The following EGFLAM variants were observed in gnomAD, a reference collection of about 807,000 sequenced individuals.
EGFLAM encodes pikachurin.
A neutral mutation model predicts 113.1 loss-of-function variants in EGFLAM; 79 were observed. The ratio of observed to expected loss-of-function variants is 0.70; its 90% confidence interval spans 0.58 to 0.84. The LOEUF is 0.84. Ranked by LOEUF, EGFLAM falls within the 40% of genes least tolerant of loss-of-function variation. EGFLAM has a pLI of 0.00. For missense variants in EGFLAM, 1,265 were observed against 1,291.6 expected, an observed-to-expected ratio of 0.98 and a Z score of 0.32; for synonymous variants, 504 against 487.6, an observed-to-expected ratio of 1.03 and a Z score of -0.44.
intron 18 of EGFLAM, among the ~76,000 whole-genome samples, chr5:38,449,674 ATG>A (rs141510682): frequency 4.2e-4 from 63 of 149,878 alleles, no homozygotes; most frequent in Admixed American, 2.1e-3. Context: ...GTGCGCATGC[ATG>A]TGTGTGTGTG....
intron 1 of EGFLAM, among the ~76,000 whole-genome samples, chr5:38,303,311 A>G (rs1393698154): frequency 2.0e-5 from 3 of 152,244 alleles, no homozygotes; most frequent in Non-Finnish European, 2.9e-5. Context: ...CACTGGAAAT[A>G]TAAGATGAAG....
chr5:38,430,619 C>T (rs576659439), intron 14 of EGFLAM, among the ~76,000 whole-genome samples: 1 of 152,276 alleles, frequency 6.6e-6, no homozygotes, highest in African/African-American at 2.4e-5. Flanking sequence ...CATCAGGGTT[C>T]TCCAGGGAAA....
chr5:38,399,717 C>G (rs1579870372), intron 6 of EGFLAM: 1 of 152,194 alleles, frequency 6.6e-6, no homozygotes, highest in Non-Finnish European at 1.5e-5. Flanking sequence ...TCGGGAGACT[C>G]TATTCTCATG....
At chr5:38,462,665 T>C in intron 20 of EGFLAM, 1 of 437,776 alleles carries the variant, frequency 2.3e-6, no homozygotes, top group Non-Finnish European at 4.2e-6. Context: ...CCTTGTGGTC[T>C]TCGCCGTGGA....
At chr5:38,430,897 T>A (rs1742166482) in intron 14 of EGFLAM, among the ~76,000 whole-genome samples, 1 of 152,170 alleles carries the variant, frequency 6.6e-6, no homozygotes, top group East Asian at 1.9e-4. Flanking sequence ...CCAGGAGCAC[T>A]GATGTTCAAG....
In EGFLAM at chr5:38,350,434, G is replaced by A. The variant is rs75156788; in HGVS notation, c.292-67G>A. 6.1e-3 allele frequency: 9,132 copies of A among 1,490,534 alleles called. 265 individuals carry two copies. In the African/African-American group the frequency reaches 0.072, roughly 12 times the overall value. The allele number at this position is 1,490,534 out of a possible 1,614,324, so 92.3% of individuals were successfully genotyped here. Reference sequence around the variant, plus strand: ...GGGGCCTCGAGATATAAACCTCATGGAAATTGTACAATTTGCCCAAACAGA... The same window carrying A: ...GGGGCCTCGAGATATAAACCTCATGAAAATTGTACAATTTGCCCAAACAGA... On this transcript the variant is annotated intron_variant, in intron 3 of 21. Coordinates refer to ENST00000322350, the MANE Select transcript of EGFLAM (RefSeq NM_152403.4).
intron 3 of EGFLAM, among the ~76,000 whole-genome samples, chr5:38,346,278 A>C (rs1242894747): frequency 6.6e-6 from 1 of 152,218 alleles, no homozygotes; most frequent in Non-Finnish European, 1.5e-5. Context: ...ATAATAATCT[A>C]GTTTCCAGTG....
At chr5:38,447,524 G>A (rs1354628082) in intron 17 of EGFLAM, among the ~76,000 whole-genome samples, 3 of 152,182 alleles carry the variant, frequency 2.0e-5, no homozygotes, top group African/African-American at 7.2e-5. Flanking sequence ...AGGAGGCCGA[G>A]GCGGGTGGAT....
chr5:38,450,520 A>G (rs1013772693), intron 18 of EGFLAM, among the ~76,000 whole-genome samples: 6 of 152,240 alleles, frequency 3.9e-5, no homozygotes, highest in Non-Finnish European at 5.9e-5. Context: ...CAATGACATT[A>G]TGCTAGTAGC....
intron 14 of EGFLAM, among the ~76,000 whole-genome samples, chr5:38,428,074 C>T (rs1015433831): frequency 8.5e-5 from 13 of 152,214 alleles, no homozygotes; most frequent in Non-Finnish European, 1.9e-4. Context: ...CGCATGCAGA[C>T]ATGCTTCTTG....
At chr5:38,427,962 A>G (rs1742070811) in intron 14 of EGFLAM, among the ~76,000 whole-genome samples, 2 of 152,146 alleles carry the variant, frequency 1.3e-5, no homozygotes, top group Non-Finnish European at 2.9e-5. Context: ...TGTTCCTTGG[A>G]GCCTGTAGTT....
intron 1 of EGFLAM, among the ~76,000 whole-genome samples, chr5:38,285,443 C>A (rs569255011): frequency 6.6e-6 from 1 of 152,306 alleles, no homozygotes; most frequent in East Asian, 1.9e-4. Context: ...GTGCACTCTA[C>A]ACACACTCCA....
intron 1 of EGFLAM, among the ~76,000 whole-genome samples, chr5:38,328,822 T>C (rs1561280183): frequency 6.6e-6 from 1 of 151,458 alleles, no homozygotes; most frequent in Non-Finnish European, 1.5e-5. Flanking sequence ...AATAAAGATA[T>C]CCTTTGGCCT....
chr5:38,312,436 T>C (rs1472297432), intron 1 of EGFLAM, among the ~76,000 whole-genome samples: 1 of 152,006 alleles, frequency 6.6e-6, no homozygotes, highest in Non-Finnish European at 1.5e-5. Flanking sequence ...GAGACGGGGT[T>C]TCACCATGTT....
intron 6 of EGFLAM, among the ~76,000 whole-genome samples, chr5:38,370,750 A>T (rs1057420054): frequency 6.6e-6 from 1 of 152,220 alleles, no homozygotes; most frequent in Non-Finnish European, 1.5e-5. Flanking sequence ...TAGCAAAATG[A>T]TATGCAGCCT....
chr5:38,384,356 C>A (rs1474569272), intron 6 of EGFLAM, among the ~76,000 whole-genome samples: 1 of 152,156 alleles, frequency 6.6e-6, no homozygotes, highest in Non-Finnish European at 1.5e-5. Context: ...CTTGCGCTTC[C>A]TGTCCTCTTC....
chr5:38,374,262 C>G (rs1740306399), intron 6 of EGFLAM, among the ~76,000 whole-genome samples: 1 of 152,116 alleles, frequency 6.6e-6, no homozygotes, highest in Non-Finnish European at 1.5e-5. Context: ...AGGGGAATTG[C>G]AATGGAGAAA....
chr5:38,407,194 G>T, intron 8 of EGFLAM, 48 bp downstream of exon 8: 2 of 1,587,136 alleles, frequency 1.3e-6, no homozygotes, highest in South Asian at 2.3e-5. Context: ...TGGCACCATT[G>T]ACAGCCAGAG....
chr5:38,366,268 A>G (rs1350555545), intron 5 of EGFLAM, among the ~76,000 whole-genome samples: 1 of 152,158 alleles, frequency 6.6e-6, no homozygotes, highest in Non-Finnish European at 1.5e-5. Context: ...TTTCCTCAGG[A>G]TTCTAGTTCA....
Sources: gnomAD v4.1 joint callset for allele counts (sites outside exome capture counted in the v4.1 genomes callset) on GRCh38, gnomAD v4.1.1 for gene constraint, MANE v1.5 for transcripts, NCBI Gene and HGNC (gene_info 2026-07-23, HGNC 2026-07-21) for gene names.